Variants in OPCML observed in about 807,000 individuals in gnomAD.
OPCML encodes the protein opioid binding protein/cell adhesion molecule like.
A neutral mutation model predicts 37.8 loss-of-function variants in OPCML; 13 were observed. That is an observed-to-expected ratio of 0.34 (90% confidence interval 0.22 to 0.55). The LOEUF is 0.55. Among genes scored for constraint, OPCML ranks in the 20% least tolerant of loss-of-function variants. The pLI is 0.91. For missense variants in OPCML, 341 were observed against 435.6 expected (o/e 0.78, Z 1.93); for synonymous variants, 176 against 168.8 (o/e 1.04, Z -0.33).
intron 1 of OPCML, among the ~76,000 whole-genome samples, chr11:133,092,596 C>T (rs558742439): frequency 2.6e-5 from 4 of 151,902 alleles, no homozygotes; most frequent in African/African-American, 2.4e-5. Flanking sequence ...CATGGTGGCG[C>T]GCACCTGTAG....
chr11:133,334,318 A>G (rs1040116020), intron 1 of OPCML, among the ~76,000 whole-genome samples: 1 of 152,266 alleles, frequency 6.6e-6, no homozygotes, highest in Non-Finnish European at 1.5e-5. Flanking sequence ...AGCAGTGAAA[A>G]AAAAGAACAA....
At chr11:132,894,921 C>G (rs1366575936) in intron 2 of OPCML, among the ~76,000 whole-genome samples, 1 of 152,148 alleles carries the variant, frequency 6.6e-6, no homozygotes, top group African/African-American at 2.4e-5. Flanking sequence ...GACTTCTCAG[C>G]CTCAGTAATC....
At chr11:132,571,496 A>G (rs955942971) in intron 3 of OPCML, among the ~76,000 whole-genome samples, 5 of 152,154 alleles carry the variant, frequency 3.3e-5, no homozygotes, top group African/African-American at 1.2e-4. Flanking sequence ...GACTACTCAG[A>G]TATCTCATAT....
chr11:133,431,848 A>G (rs1185228237), intron 1 of OPCML, among the ~76,000 whole-genome samples: 1 of 149,536 alleles, frequency 6.7e-6, no homozygotes, highest in Non-Finnish European at 1.5e-5. Context: ...AGAGTCATAC[A>G]GTATATATGG....
intron 1 of OPCML, among the ~76,000 whole-genome samples, chr11:133,350,009 C>T (rs1174585227): frequency 5.3e-5 from 8 of 152,190 alleles, no homozygotes; most frequent in African/African-American, 1.2e-4. Context: ...TGAATACCAT[C>T]GCGGGCTGCA....
Position 132,763,662 on chromosome 11 carries a change from G to C in OPCML, c.147-106343C>G, listed in dbSNP as rs145704557. ...CTACTGATTAATACAGAAGAAGAGGGGTAGAAAAAGAACGCAGACAGACAC... is the reference window on the plus strand; with the variant it reads ...CTACTGATTAATACAGAAGAAGAGGCGTAGAAAAAGAACGCAGACAGACAC... On this transcript the variant is annotated intron_variant, in intron 2 of 7. Transcript: ENST00000524381. Among the ~76,000 whole-genome samples the C allele has an allele frequency of 8.5e-5, 13 of 152,296 alleles. No homozygotes were observed. In the East Asian group the frequency reaches 2.5e-3, roughly 29 times the overall value.
intron 1 of OPCML, among the ~76,000 whole-genome samples, chr11:133,432,102 T>G (rs1194528316): frequency 6.6e-6 from 1 of 152,040 alleles, no homozygotes; most frequent in African/African-American, 2.4e-5. Context: ...TTGAAGGTGC[T>G]TTGTGACAGG....
At chr11:132,501,350 G>A (rs1023063896) in intron 4 of OPCML, among the ~76,000 whole-genome samples, 4 of 152,196 alleles carry the variant, frequency 2.6e-5, no homozygotes, top group Non-Finnish European at 5.9e-5. Flanking sequence ...AACACCAAAA[G>A]CAATTGCAAC....
At chr11:133,404,830 C>A (rs546261098) in intron 1 of OPCML, among the ~76,000 whole-genome samples, 2 of 152,192 alleles carry the variant, frequency 1.3e-5, no homozygotes, top group South Asian at 4.1e-4. Context: ...AGGCACAGGC[C>A]CTGCTTTGAT....
rs1940492918 is a variant in OPCML, at chr11:132,828,433, A to G, written c.146+114493T>C. ...GTGCCAATGTTGGTTTATTGACTGTAACAAATGAACCATACCGATGCAGAA... is the reference window on the plus strand; with the variant it reads ...GTGCCAATGTTGGTTTATTGACTGTGACAAATGAACCATACCGATGCAGAA... On this transcript the variant is annotated intron_variant, in intron 2 of 7. Coordinates refer to ENST00000524381, the MANE Select transcript of OPCML (RefSeq NM_001012393.5). 2.6e-5 allele frequency among the ~76,000 whole-genome samples: 4 copies of G among 152,198 alleles called. No homozygotes were observed. The South Asian group carries it at 6.2e-4, about 24-fold the overall frequency.
intron 1 of OPCML, among the ~76,000 whole-genome samples, chr11:133,110,201 T>C (rs1949229118): frequency 6.6e-6 from 1 of 152,152 alleles, no homozygotes; most frequent in Admixed American, 6.5e-5. Flanking sequence ...ATGGATAAAA[T>C]AAAAATGGTA....
At chr11:132,652,349 A>AACACACAC (rs5795793) in intron 3 of OPCML, among the ~76,000 whole-genome samples, 1,510 of 142,610 alleles carry the variant, frequency 0.011, 30 homozygotes, top group African/African-American at 0.032. Context: ...AAGAATGACA[A>AACACACAC]ACACACACAC....
chr11:132,675,507 G>A (rs568761081), intron 2 of OPCML, among the ~76,000 whole-genome samples: 48 of 151,882 alleles, frequency 3.2e-4, no homozygotes, highest in Non-Finnish European at 5.4e-4. Context: ...ATGTCTCTGC[G>A]AATGAAATAT....
intron 1 of OPCML, among the ~76,000 whole-genome samples, chr11:133,001,328 C>T (rs934835550): frequency 2.0e-5 from 3 of 152,168 alleles, no homozygotes; most frequent in Admixed American, 1.3e-4. Flanking sequence ...CAATGCATGG[C>T]CCCTTCCTTC....
chr11:133,410,581 G>A (rs1273125910), intron 1 of OPCML, among the ~76,000 whole-genome samples: 1 of 131,282 alleles, frequency 7.6e-6, no homozygotes, highest in Non-Finnish European at 1.6e-5. Flanking sequence ...AAGTTGTGGG[G>A]TTTTTGTTGC....
At chr11:132,464,548 G>T (rs1359274938) in intron 4 of OPCML, among the ~76,000 whole-genome samples, 1 of 152,088 alleles carries the variant, frequency 6.6e-6, no homozygotes, top group African/African-American at 2.4e-5. Flanking sequence ...GTAAAAGAAT[G>T]AATAAATAAA....
At chr11:133,124,302 C>T (rs540230512) in intron 1 of OPCML, among the ~76,000 whole-genome samples, 136 of 152,262 alleles carry the variant, frequency 8.9e-4, no homozygotes, top group African/African-American at 3.1e-3. Context: ...TCCCCCATTT[C>T]GGGGGCTCTT....
At chr11:133,430,913 G>A (rs1344983511) in intron 1 of OPCML, among the ~76,000 whole-genome samples, 2 of 152,204 alleles carry the variant, frequency 1.3e-5, no homozygotes, top group African/African-American at 4.8e-5. Context: ...TGATCACAGT[G>A]TTAATTAGGT....
rs149834886 is a variant in OPCML, at chr11:132,770,985, G to A, written c.147-113666C>T. On this transcript the variant is annotated intron_variant, in intron 2 of 7. Transcript: ENST00000524381. The stretch of plus-strand genomic sequence containing the variant: ...TGCCCAGAGAGCAGCAGCCCTCACT[G>A]TAGCTGGCTTCCACCTCTTGTTATT... Among the ~76,000 whole-genome samples the A allele has an allele frequency of 7.6e-4, 115 of 152,254 alleles. 3 individuals carry two copies. The East Asian group carries it at 0.021, about 28-fold the overall frequency.
Sources: allele counts gnomAD v4.1 joint callset (sites outside exome capture counted in the v4.1 genomes callset), GRCh38; gene constraint gnomAD v4.1.1; transcripts MANE v1.5; gene names NCBI Gene and HGNC (gene_info 2026-07-23, HGNC 2026-07-21).